Variants in MACF1 observed in about 807,000 individuals in gnomAD.
MACF1 encodes the protein microtubule-actin cross-linking factor 1.
A neutral mutation model predicts 854.8 loss-of-function variants in MACF1; 193 were observed. The observed-to-expected ratio is 0.23, with a 90% confidence interval of 0.20 to 0.25. The LOEUF (loss-of-function observed/expected upper bound fraction) is 0.25, where lower values mean the gene tolerates loss of function less well. Ranked by LOEUF, MACF1 falls within the 10% of genes least tolerant of loss-of-function variation. MACF1 has a pLI of 1.00. For synonymous variants in MACF1, 3,185 were observed against 3,226.7 expected (o/e 0.99, Z 0.44); for missense variants, 7,722 against 8,929.1 (o/e 0.86, Z 5.45).
intron 84 of MACF1, among the ~76,000 whole-genome samples, chr1:39,448,975 C>A (rs1025392988): frequency 4.6e-5 from 7 of 152,064 alleles, no homozygotes; most frequent in African/African-American, 1.4e-4. Flanking sequence ...TAGAGAGAGG[C>A]CTATAAAATC....
At chr1:39,326,979 T>C (rs984915913) in intron 35 of MACF1, among the ~76,000 whole-genome samples, 23 of 152,120 alleles carry the variant, frequency 1.5e-4, no homozygotes, top group Non-Finnish European at 5.9e-5. Flanking sequence ...GGGGTGGGGC[T>C]AAAGTGGAGA....
chr1:39,144,495 A>G (rs1643418533), intron 2 of MACF1, among the ~76,000 whole-genome samples: 1 of 152,236 alleles, frequency 6.6e-6, no homozygotes, highest in Non-Finnish European at 1.5e-5. Flanking sequence ...CCAGAGATCC[A>G]GATCAAATCT....
chr1:39,190,856 G>T (rs534646776), intron 2 of MACF1, among the ~76,000 whole-genome samples: 2 of 151,360 alleles, frequency 1.3e-5, no homozygotes, highest in South Asian at 2.1e-4. Context: ...TTAGCCGGGC[G>T]TGGTGGTGTG....
In MACF1 at chr1:39,300,257, CGTT is replaced by C; in HGVS notation, c.2531_2533del (p.Val844del). On this transcript the variant is annotated inframe_deletion, in exon 22 of 101. Coordinates refer to ENST00000564288, the MANE Select transcript of MACF1 (RefSeq NM_001394062.1). ...AGTCCAAGAGTTCCGTTGCCAGTCT[CGTT>C]GGGAGATCAAAAACCATCGTTCAGC... 1 of 1,613,924 alleles carries C rather than the reference CGTT, an allele frequency of 6.2e-7. No homozygotes were observed. Among genetic ancestry groups the C allele is most frequent in the Non-Finnish European group, 8.5e-7 (1 of 1,180,000 alleles).
At position 39,465,080 on chromosome 1, in the gene MACF1, C is replaced by T; in HGVS notation, c.21754-15C>T. The T allele has an allele frequency of 1.2e-6, 2 of 1,609,168 alleles. No homozygotes were observed. The highest frequency in any genetic ancestry group is 1.7e-6 in the Non-Finnish European group (2 of 1,177,488). On this transcript the variant is annotated splice_polypyrimidine_tract_variant and intron_variant, in intron 94 of 100. Transcript: ENST00000564288. ...CCCCTCCTTTCCTCCATCCTTTACTCTTTACTGTCTATAGTTCTTCCTCGG... is the reference window on the plus strand; with the variant it reads ...CCCCTCCTTTCCTCCATCCTTTACTTTTTACTGTCTATAGTTCTTCCTCGG...
At chr1:39,113,628 A>G (rs1176972053) in intron 2 of MACF1, among the ~76,000 whole-genome samples, 2 of 152,222 alleles carry the variant, frequency 1.3e-5, no homozygotes, top group African/African-American at 2.4e-5. Flanking sequence ...GAAGAAAGCA[A>G]TTTTAAACAG....
At chr1:39,372,359 A>G in intron 51 of MACF1, 120 bp from the exon 52 acceptor site, 1 of 614,228 alleles carries the variant, frequency 1.6e-6, no homozygotes, top group Non-Finnish European at 2.9e-6. Context: ...GAATAAATAA[A>G]TCAGAAGGAT....
intron 14 of MACF1, among the ~76,000 whole-genome samples, chr1:39,286,473 CCT>C (rs1491180042): frequency 6.6e-6 from 1 of 150,536 alleles, no homozygotes; most frequent in African/African-American, 2.5e-5. Flanking sequence ...TTTTTTTTCC[CCT>C]TTTTTTTTTG....
In MACF1 at chr1:39,443,591, G is replaced by T. The variant is rs778723919; in HGVS notation, c.19431+17G>T. On this transcript the variant is annotated intron_variant, in intron 79 of 100. Transcript: ENST00000564288. Reference sequence around the variant, plus strand: ...ACACATATGGTAATAGCAATTTTTTGAAATTGAGCATAAGCATCCCATATT... The same window carrying T: ...ACACATATGGTAATAGCAATTTTTTTAAATTGAGCATAAGCATCCCATATT... The T allele has an allele frequency of 4.4e-6, 7 of 1,585,600 alleles. No homozygotes were observed. Among genetic ancestry groups the T allele is most frequent in the South Asian group, 1.2e-5 (1 of 86,042 alleles).
At position 39,234,577 on chromosome 1, in the gene MACF1, G is replaced by A. The variant is rs540092236; in HGVS notation, c.171+3334G>A. Among the ~76,000 whole-genome samples, 59 of 111,986 alleles carry A rather than the reference G, an allele frequency of 5.3e-4. 1 individual carries two copies. The highest frequency in any genetic ancestry group is 1.8e-3 in the African/African-American group (55 of 30,752). The allele number at this position is 111,986 out of a possible 152,430, so 73.5% of individuals were successfully genotyped here. On this transcript the variant is annotated intron_variant, in intron 2 of 100. Coordinates refer to ENST00000564288, the MANE Select transcript of MACF1 (RefSeq NM_001394062.1). ...CCCCCACCTCCCTCCCGGACGGGGC[G>A]GCTGGCCTGGCGGGGGGCTGACCGC...
At chr1:39,452,492 T>G in intron 86 of MACF1, 142 bp downstream of exon 86, 1 of 1,114,222 alleles carries the variant, frequency 9.0e-7, no homozygotes, top group Non-Finnish European at 1.3e-6. Context: ...TCTATAAAAT[T>G]TTAATATTCA....
intron 2 of MACF1, among the ~76,000 whole-genome samples, chr1:39,183,871 C>T (rs1350914544): frequency 6.6e-6 from 1 of 152,206 alleles, no homozygotes; most frequent in East Asian, 1.9e-4. Flanking sequence ...ACCCTGCCCC[C>T]ACAGGATTAC....
intron 2 of MACF1, among the ~76,000 whole-genome samples, chr1:39,235,747 C>A (rs147654669): frequency 4.6e-5 from 7 of 152,162 alleles, no homozygotes; most frequent in African/African-American, 1.4e-4. Flanking sequence ...TATTCTCTCT[C>A]TGTGTGTGTG....
chr1:39,149,559 A>C (rs1341790745), intron 2 of MACF1, among the ~76,000 whole-genome samples: 2 of 148,698 alleles, frequency 1.3e-5, no homozygotes, highest in African/African-American at 4.9e-5. Context: ...AAAATAAATA[A>C]ATAAAATAAA....
At chr1:39,353,629 G>T (rs567783849) in intron 44 of MACF1, among the ~76,000 whole-genome samples, 1 of 152,126 alleles carries the variant, frequency 6.6e-6, no homozygotes, top group Non-Finnish European at 1.5e-5. Flanking sequence ...CTTCAAAACG[G>T]TATATAAATC....
intron 61 of MACF1, among the ~76,000 whole-genome samples, chr1:39,424,791 A>G (rs2148641282): frequency 6.6e-6 from 1 of 152,360 alleles, no homozygotes; most frequent in Non-Finnish European, 1.5e-5. Context: ...TAAGTCACAT[A>G]GATGTCTTTA....
In MACF1 at chr1:39,359,859, C is replaced by T. The variant is rs529594663; in HGVS notation, c.12244+595C>T. On this transcript the variant is annotated intron_variant, in intron 47 of 100. Coordinates refer to ENST00000564288, the MANE Select transcript of MACF1 (RefSeq NM_001394062.1). ...AAAAATAGCCAGGCATGGTGGCAGGCGCCTGTAATCCCAGCTACTCTGGAG... is the reference window on the plus strand; with the variant it reads ...AAAAATAGCCAGGCATGGTGGCAGGTGCCTGTAATCCCAGCTACTCTGGAG... Among the ~76,000 whole-genome samples, 10 of 149,672 alleles carry T rather than the reference C, an allele frequency of 6.7e-5. No homozygotes were observed. The South Asian group carries it at 1.1e-3, about 16-fold the overall frequency.
chr1:39,182,408 GA>G (rs35040858), intron 2 of MACF1, among the ~76,000 whole-genome samples: 89,291 of 151,876 alleles, frequency 0.59, 28,167 homozygotes, highest in South Asian at 0.72. Context: ...ACACTACCTA[GA>G]AAATGAAGAC....
intron 21 of MACF1, chr1:39,299,120 T>C (rs1190939604): frequency 9.7e-6 from 4 of 411,972 alleles, no homozygotes; most frequent in Non-Finnish European, 1.9e-5. Context: ...TGACATCTTA[T>C]TGCAAGGAAA....
Sources: gnomAD v4.1 joint callset for allele counts (sites outside exome capture counted in the v4.1 genomes callset) on GRCh38, gnomAD v4.1.1 for gene constraint, MANE v1.5 for transcripts, NCBI Gene and HGNC (gene_info 2026-07-23, HGNC 2026-07-21) for gene names.